The following ATP6V0A4 variants were observed in gnomAD, a reference collection of about 807,000 sequenced individuals.
ATP6V0A4 encodes ATPase H+ transporting V0 subunit a4, also known as V-type proton ATPase 116 kDa subunit a 4.
Under a neutral mutation model 107.3 loss-of-function variants are expected in ATP6V0A4, and 86 were observed. The ratio of observed to expected loss-of-function variants is 0.80; its 90% CI spans 0.67 to 0.96. The LOEUF (loss-of-function observed/expected upper bound fraction) is 0.96. ATP6V0A4 is among the 40% of genes least tolerant of loss of function. The pLI, the probability that ATP6V0A4 is intolerant of heterozygous loss-of-function variation, is 0.00. For synonymous variants in ATP6V0A4, 353 were observed against 381.4 expected, an observed-to-expected ratio of 0.93 and a Z score of 0.87; for missense variants, 908 against 1,045.6, an observed-to-expected ratio of 0.87 and a Z score of 1.81.
chr7:138,729,974 C>T (rs1038286774), intron 17 of ATP6V0A4, among the ~76,000 whole-genome samples: 7 of 152,186 alleles, frequency 4.6e-5, no homozygotes, highest in Non-Finnish European at 8.8e-5. Context: ...ACCTCTGCCT[C>T]CTGGGTTCAA....
At chr7:138,758,856 T>A (rs1335180629) in intron 8 of ATP6V0A4, among the ~76,000 whole-genome samples, 1 of 145,110 alleles carries the variant, frequency 6.9e-6, no homozygotes, top group Non-Finnish European at 1.5e-5. Flanking sequence ...GTACCAGTGA[T>A]TCTCCTGCCT....
At chr7:138,779,781 T>C (rs1239005569) in intron 2 of ATP6V0A4, among the ~76,000 whole-genome samples, 1 of 152,188 alleles carries the variant, frequency 6.6e-6, no homozygotes, top group Non-Finnish European at 1.5e-5. Flanking sequence ...AATACTGATA[T>C]AAAATCAATA....
At chr7:138,709,889 T>TA in intron 20 of ATP6V0A4, 94 bp from the exon 21 acceptor site, 1 of 1,341,512 alleles carries the variant, frequency 7.5e-7, no homozygotes, top group Non-Finnish European at 9.9e-7. Context: ...TATATATATA[T>TA]TTTAAATAGA....
At chr7:138,747,646 G>C in intron 12 of ATP6V0A4, 82 bp from the exon 13 acceptor site, 1 of 1,576,024 alleles carries the variant, frequency 6.3e-7, no homozygotes, top group Non-Finnish European at 8.6e-7. Context: ...ACAGCTCCAC[G>C]ATTTGCATGC....
intron 18 of ATP6V0A4, among the ~76,000 whole-genome samples, chr7:138,725,495 C>T (rs1804660558): frequency 6.6e-6 from 1 of 151,484 alleles, no homozygotes; most frequent in Non-Finnish European, 1.5e-5. Flanking sequence ...GTAAGAGTGA[C>T]AGGAAGAAGG....
At chr7:138,762,180 C>A (rs1429890347) in intron 7 of ATP6V0A4, among the ~76,000 whole-genome samples, 160 bp downstream of exon 7, 1 of 152,120 alleles carries the variant, frequency 6.6e-6, no homozygotes, top group East Asian at 1.9e-4. Context: ...CCGACTCCAC[C>A]AACCTAGTAA....
At chr7:138,737,035 T>G (rs1805360529) in intron 15 of ATP6V0A4, among the ~76,000 whole-genome samples, 1 of 146,972 alleles carries the variant, frequency 6.8e-6, no homozygotes, top group East Asian at 2.1e-4. Flanking sequence ...TATTTTGTGA[T>G]TTGATTCACA....
chr7:138,731,576 A>T (rs1448262178), intron 17 of ATP6V0A4, among the ~76,000 whole-genome samples: 2 of 152,106 alleles, frequency 1.3e-5, no homozygotes, highest in Admixed American at 6.6e-5. Context: ...ATCCAGCCCC[A>T]ATAGGATTTG....
chr7:138,793,842 G>A (rs988243367), intron 1 of ATP6V0A4, among the ~76,000 whole-genome samples: 3 of 152,166 alleles, frequency 2.0e-5, no homozygotes, highest in African/African-American at 4.8e-5. Context: ...TAACCTCCGC[G>A]TGTCTGGACC....
rs1348365071 is a variant in ATP6V0A4, at chr7:138,707,103, CAT to C, written c.2430-388_2430-387del. Among the ~76,000 whole-genome samples, 18 of 43,694 alleles carry C rather than the reference CAT, an allele frequency of 4.1e-4. 2 individuals are homozygous for C. In the Admixed American group the frequency reaches 5.5e-3, roughly 13 times the overall value. The allele number at this position is 43,694 out of a possible 152,430, so 28.7% of individuals were successfully genotyped here. On this transcript the variant is annotated intron_variant, in intron 21 of 21. Transcript: ENST00000310018. ...GTGTGTGTGTGTGTGTATAATATAT[CAT>C]ATATATTATTATATATAATATTATA...
intron 1 of ATP6V0A4, among the ~76,000 whole-genome samples, chr7:138,795,102 A>G (rs1466699834): frequency 6.6e-6 from 1 of 152,032 alleles, no homozygotes; most frequent in Non-Finnish European, 1.5e-5. Context: ...GGATTTCACC[A>G]TGTTAGCCAG....
chr7:138,787,811 A>T (rs527515212), intron 1 of ATP6V0A4, among the ~76,000 whole-genome samples: 3 of 152,252 alleles, frequency 2.0e-5, no homozygotes, highest in African/African-American at 7.2e-5. Flanking sequence ...TAGCCTCGGT[A>T]ACAGAGCAAG....
intron 20 of ATP6V0A4, among the ~76,000 whole-genome samples, chr7:138,711,072 A>G (rs552026587): frequency 6.6e-6 from 1 of 151,910 alleles, no homozygotes; most frequent in Non-Finnish European, 1.5e-5. Flanking sequence ...CTATGACACC[A>G]CCGTCCCCCC....
At chr7:138,778,940 C>T (rs557446187) in intron 2 of ATP6V0A4, among the ~76,000 whole-genome samples, 1 of 152,296 alleles carries the variant, frequency 6.6e-6, no homozygotes, top group South Asian at 2.1e-4. Flanking sequence ...GGCATCTCTG[C>T]TCCTCCAGCC....
In ATP6V0A4 at chr7:138,714,074, C is replaced by T. The variant is rs1214729618; in HGVS notation, c.2257+1690G>A. On this transcript the variant is annotated intron_variant, in intron 20 of 21. Transcript: ENST00000310018. ...GCAAAAAGGCAAAACCCTACCTCTA[C>T]CAAAAAAAAAAAAAAAAAAAATTGG... is the stretch of plus-strand genomic sequence containing the variant. Among the ~76,000 whole-genome samples, 37 of 129,504 alleles carry T rather than the reference C, an allele frequency of 2.9e-4. 1 individual carries two copies. The highest frequency in any genetic ancestry group is 1.2e-3 in the Admixed American group (16 of 12,988). 85.0% of individuals were successfully genotyped at this position (129,504 alleles called of 152,430 possible).
At chr7:138,750,544 C>T (rs1161871771) in intron 11 of ATP6V0A4, among the ~76,000 whole-genome samples, 2 of 152,224 alleles carry the variant, frequency 1.3e-5, no homozygotes, top group Admixed American at 1.3e-4. Flanking sequence ...TGCTCCCTGT[C>T]CAGGAACCGT....
chr7:138,735,629 T>A (rs1460279525), intron 15 of ATP6V0A4, among the ~76,000 whole-genome samples: 1 of 152,078 alleles, frequency 6.6e-6, no homozygotes, highest in Non-Finnish European at 1.5e-5. Flanking sequence ...CAATAACAGG[T>A]GCCCAGACCC....
intron 15 of ATP6V0A4, 98 bp downstream of exon 15, chr7:138,739,442 G>C (rs1331982748): frequency 8.4e-6 from 12 of 1,426,990 alleles, no homozygotes; most frequent in East Asian, 4.8e-5. Context: ...ACACAAGTTT[G>C]TTGATTTGAC....
Position 138,733,072 on chromosome 7 carries a change from G to A in ATP6V0A4, c.1713C>T (p.Asn571=). 6.2e-7 allele frequency: 1 copy of A among 1,613,926 alleles called. No homozygotes were observed. Residue 571 remains asparagine, a synonymous_variant, in exon 17 of 22, where the codon AAC becomes AAT. Coordinates refer to ENST00000310018, the MANE Select transcript of ATP6V0A4 (RefSeq NM_020632.3). ...TCTCAGGGATAAATTGCAGAATGAT[G>A]TTGAGAGTTCTTCTGAAGTATCTGG... The part of the protein sequence containing the change: ...FNHIYFRRTL[N]IILQFIPEMI...
Sources: gnomAD v4.1 joint callset for allele counts (sites outside exome capture counted in the v4.1 genomes callset) on GRCh38, gnomAD v4.1.1 for gene constraint, MANE v1.5 for transcripts, NCBI Gene and HGNC (gene_info 2026-07-23, HGNC 2026-07-21) for gene names.